The following DCAF10 variants were observed in gnomAD, a reference collection of about 807,000 sequenced individuals.
The protein encoded by DCAF10 is DDB1- and CUL4-associated factor 10.
A neutral mutation model predicts 51.9 loss-of-function variants in DCAF10; 19 were observed. The ratio of observed to expected loss-of-function variants is 0.37; its 90% CI spans 0.26 to 0.54. The LOEUF is 0.54. DCAF10 is among the 20% of genes least tolerant of loss of function. The probability of loss-of-function intolerance (pLI) is 0.87; values close to 1 mark genes in which losing one functional copy is unlikely to be tolerated. For missense variants in DCAF10, 510 were observed against 730.6 expected (o/e 0.70, Z 3.48); for synonymous variants, 291 against 297.1 (o/e 0.98, Z 0.21).
intron 1 of DCAF10, among the ~76,000 whole-genome samples, chr9:37,819,023 A>G (rs893987027): frequency 3.3e-5 from 5 of 152,228 alleles, no homozygotes; most frequent in African/African-American, 1.2e-4. Flanking sequence ...GAGTCAAAAC[A>G]TATGCCCATT....
chr9:37,813,255 T>A (rs562678441), intron 1 of DCAF10, among the ~76,000 whole-genome samples: 1 of 152,310 alleles, frequency 6.6e-6, no homozygotes, highest in South Asian at 2.1e-4. Flanking sequence ...TAAGCCACTA[T>A]GCCTGGCCAT....
chr9:37,800,707 C>G, upstream of DCAF10: 4 of 1,535,876 alleles, frequency 2.6e-6, no homozygotes, highest in South Asian at 1.2e-5. Context: ...CCGGCGGTGT[C>G]TCAGCTTTCC....
chr9:37,819,957 G>A (rs1277471944), intron 2 of DCAF10, among the ~76,000 whole-genome samples: 6 of 152,038 alleles, frequency 3.9e-5, no homozygotes, highest in Non-Finnish European at 7.4e-5. Flanking sequence ...CAAATGCTTC[G>A]CATAATACAG....
rs551024925 is a variant in DCAF10 at position 37,865,668 on chromosome 9, T to G, written c.*4160T>G. The G allele has an allele frequency of 6.6e-6, 1 of 152,310 alleles. No homozygotes were observed. The highest frequency in any genetic ancestry group is 2.4e-5 in the African/African-American group (1 of 41,568). 9.4% of individuals were successfully genotyped at this position (152,310 alleles called of 1,614,324 possible). ...ATCAAATATATAGTAGTTCCTTATT[T>G]TCAGTTGTGAAAATGAAATGGCTAA... is the stretch of plus-strand genomic sequence containing the variant. On this transcript the variant is annotated 3_prime_UTR_variant, in exon 7 of 7. Transcript: ENST00000377724.
intron 2 of DCAF10, among the ~76,000 whole-genome samples, chr9:37,833,753 A>G (rs1019975975): frequency 1.3e-5 from 2 of 152,196 alleles, no homozygotes; most frequent in Non-Finnish European, 2.9e-5. Flanking sequence ...GGAGTTATAA[A>G]TATTTTACAA....
intron 3 of DCAF10, among the ~76,000 whole-genome samples, chr9:37,847,030 G>T (rs1358554547): frequency 1.3e-5 from 2 of 151,648 alleles, no homozygotes; most frequent in Non-Finnish European, 2.9e-5. Context: ...AAGGCGGGTG[G>T]ATCACTTGAG....
chr9:37,808,369 C>T (rs1178090044), intron 1 of DCAF10, among the ~76,000 whole-genome samples: 1 of 148,960 alleles, frequency 6.7e-6, no homozygotes, highest in Non-Finnish European at 1.5e-5. Context: ...AATCGCGCCA[C>T]TGCACTCCAG....
In DCAF10 at chr9:37,800,828, C is replaced by T. The variant is rs1589067203; in HGVS notation, c.-39C>T. On this transcript the variant is annotated 5_prime_UTR_variant, in exon 1 of 7. Transcript: ENST00000377724. The stretch of plus-strand genomic sequence containing the variant: ...ACAGGGGCACTGAGGTGTCGGCCGG[C>T]GGGGCAGTGGCCCGGAGCGGGGGGC... 2.7e-6 allele frequency: 4 copies of T among 1,489,242 alleles called. No homozygotes were observed. The highest frequency in any genetic ancestry group is 2.5e-5 in the East Asian group (1 of 40,364). The allele number at this position is 1,489,242 out of a possible 1,614,324, so 92.3% of individuals were successfully genotyped here.
intron 2 of DCAF10, among the ~76,000 whole-genome samples, chr9:37,828,454 AAAAAG>A (rs1829916869): frequency 6.6e-6 from 1 of 152,122 alleles, no homozygotes; most frequent in South Asian, 2.1e-4. Context: ...AGAAAAAAGA[AAAAAG>A]AAAAGGAAAA....
In DCAF10 at chr9:37,862,226, A is replaced by C. The variant is rs1315055756; in HGVS notation, c.*718A>C. 1.3e-5 allele frequency: 2 copies of C among 152,684 alleles called. No homozygotes were observed. The highest frequency in any genetic ancestry group is 2.9e-5 in the Non-Finnish European group (2 of 68,046). The allele number at this position is 152,684 out of a possible 1,614,324, so 9.5% of individuals were successfully genotyped here. A position where few individuals can be genotyped will look rare whatever the true frequency, so the allele number is the denominator to read the frequency against. On this transcript the variant is annotated 3_prime_UTR_variant, in exon 7 of 7. Coordinates refer to ENST00000377724, the MANE Select transcript of DCAF10 (RefSeq NM_024345.5). ...TAATTTACTTTACTTGTATGAATTT[A>C]ACATCTCTAGCATGTATCCTTACTT...
intron 3 of DCAF10, among the ~76,000 whole-genome samples, chr9:37,852,213 A>G (rs1830674522): frequency 6.6e-6 from 1 of 152,250 alleles, no homozygotes; most frequent in Non-Finnish European, 1.5e-5. Context: ...AATAGTAACA[A>G]TGGAAAATAG....
chr9:37,814,113 TATATATATATA>T (rs1454069057), intron 1 of DCAF10, among the ~76,000 whole-genome samples: 24 of 91,790 alleles, frequency 2.6e-4, no homozygotes, highest in African/African-American at 9.3e-4. Flanking sequence ...TATATATATA[TATATATATATA>T]TATTTGTTGT....
In DCAF10 at chr9:37,862,215, T is replaced by G. The variant is rs1004591545; in HGVS notation, c.*707T>G. On this transcript the variant is annotated 3_prime_UTR_variant, in exon 7 of 7. Transcript: ENST00000377724. ...ACCTCTCTTTGTAATTTACTTTACT[T>G]GTATGAATTTAACATCTCTAGCATG... The G allele has an allele frequency of 6.5e-6, 1 of 152,680 alleles. No homozygotes were observed. Among genetic ancestry groups the G allele is most frequent in the Admixed American group, 6.5e-5 (1 of 15,288 alleles). 9.5% of individuals were successfully genotyped at this position (152,680 alleles called of 1,614,324 possible).
In DCAF10 at chr9:37,861,180, G is replaced by C. The variant is rs763274317; in HGVS notation, c.1352G>C (p.Arg451Pro). 1.9e-6 allele frequency: 3 copies of C among 1,606,412 alleles called. No homozygotes were observed. Among genetic ancestry groups the C allele is most frequent in the East Asian group, 4.5e-5 (2 of 44,672 alleles). ...VYEFQEGAPV[R>P]PVSPRCSLRL... The stretch of plus-strand genomic sequence containing the variant: ...GAATTCCAAGAAGGAGCTCCAGTGC[G>C]ACCTGTCTCACCTCGCTGTTCTCTA... The change falls in exon 7 of 7, where the codon CGA becomes CCA. Residue 451 changes from arginine (R) to proline (P), a missense_variant. This residue lies in a region of DCAF10 where 104 missense variants were observed against 206.2 expected (regional missense o/e 0.50). Transcript: ENST00000377724. This position sits in a 1 kb window ranked among gnomAD's most constrained non-coding sequence, Gnocchi z 4.9.
At chr9:37,844,731 G>A (rs1830431207) in intron 3 of DCAF10, among the ~76,000 whole-genome samples, 2 of 152,162 alleles carry the variant, frequency 1.3e-5, no homozygotes, top group African/African-American at 4.8e-5. Flanking sequence ...TGTAATCCCA[G>A]CTACTGAGGC....
chr9:37,800,971 C>A lies in DCAF10; in HGVS notation c.105C>A (p.Pro35=). Residue 35 remains proline (P), a synonymous_variant, in exon 1 of 7, where the codon CCC becomes CCA. Coordinates refer to ENST00000377724, the MANE Select transcript of DCAF10 (RefSeq NM_024345.5). ...GGCAGGCAGCAGCCACCGGGCCGCC[C>A]TCGCCACTACATCCCGGGGCTGATG... The part of the protein sequence containing the change: ...HEGQAAATGP[P]SPLHPGADAT... The A allele has an allele frequency of 6.6e-7, 1 of 1,517,240 alleles. No individual in the cohort carries two copies. Among genetic ancestry groups the A allele is most frequent in the East Asian group, 2.5e-5 (1 of 39,970 alleles). The allele number at this position is 1,517,240 out of a possible 1,614,324, so 94.0% of individuals were successfully genotyped here. A position where few individuals can be genotyped will look rare whatever the true frequency, so the allele number is the denominator to read the frequency against.
Position 37,863,810 on chromosome 9 carries a change from A to G in DCAF10, c.*2302A>G, listed in dbSNP as rs146600978. ...ATGACATTTCTTTGTAGGACCTGCCAACTAACTATTCACACACATTTATAG... is the reference window on the plus strand; with the variant it reads ...ATGACATTTCTTTGTAGGACCTGCCGACTAACTATTCACACACATTTATAG... On this transcript the variant is annotated 3_prime_UTR_variant, in exon 7 of 7. Coordinates refer to ENST00000377724, the MANE Select transcript of DCAF10 (RefSeq NM_024345.5). 4.6e-5 allele frequency: 7 copies of G among 152,346 alleles called. No individual in the cohort carries two copies. The highest frequency in any genetic ancestry group is 1.4e-4 in the African/African-American group (6 of 41,578). The allele number at this position is 152,346 out of a possible 1,614,324, so 9.4% of individuals were successfully genotyped here. A position where few individuals can be genotyped will look rare whatever the true frequency, so the allele number is the denominator to read the frequency against.
At chr9:37,855,226 A>G (rs1830812596) in intron 4 of DCAF10, among the ~76,000 whole-genome samples, 1 of 152,202 alleles carries the variant, frequency 6.6e-6, no homozygotes, top group African/African-American at 2.4e-5. Context: ...TGCTGACCCT[A>G]AAGTATTTTC....
intron 2 of DCAF10, among the ~76,000 whole-genome samples, chr9:37,834,891 A>C (rs10124186): frequency 0.19 from 28,829 of 151,276 alleles, 3,128 homozygotes; most frequent in African/African-American, 0.29. Context: ...CTGGCTCAAG[A>C]GATTCTCTTG....
Sources: gnomAD v4.1 joint callset for allele counts (sites outside exome capture counted in the v4.1 genomes callset) on GRCh38, gnomAD v4.1.1 for gene constraint, gnomAD v4.1.1 regional missense constraint, Gnocchi (gnomAD v3.1) non-coding constraint, MANE v1.5 for transcripts, NCBI Gene and HGNC (gene_info 2026-07-23, HGNC 2026-07-21) for gene names.